The following MRPL40 variants were observed in gnomAD, a reference collection of about 807,000 sequenced individuals.
The protein encoded by MRPL40 is mitochondrial ribosomal protein L40.
A neutral mutation model predicts 24.5 loss-of-function variants in MRPL40; 18 were observed. The observed-to-expected ratio is 0.73, with a 90% CI of 0.51 to 1.09. MRPL40 has a LOEUF of 1.09. MRPL40 is among the 50% of genes least tolerant of loss of function. MRPL40 has a pLI of 0.00. For missense variants in MRPL40, 256 were observed against 243.8 expected, an observed-to-expected ratio of 1.05 and a Z score of -0.33; for synonymous variants, 108 against 94.6, an observed-to-expected ratio of 1.14 and a Z score of -0.82.
chr22:19,432,755 A>T lies in MRPL40; in HGVS notation c.53+148A>T. 1.4e-6 allele frequency: 2 copies of T among 1,396,464 alleles called. 1 individual carries two copies. The highest frequency in any genetic ancestry group is 3.1e-5 in the South Asian group (2 of 63,776). The allele number at this position is 1,396,464 out of a possible 1,614,324, so 86.5% of individuals were successfully genotyped here. On this transcript the variant is annotated intron_variant, in intron 1 of 3. Coordinates refer to ENST00000333130, the MANE Select transcript of MRPL40 (RefSeq NM_003776.4). ...AGCCATCTGGTCGTGACTCTTATGC[A>T]TGAAAATCTGAGCACCCTGGCGAGC... is the stretch of plus-strand genomic sequence containing the variant.
intron 3 of MRPL40, among the ~76,000 whole-genome samples, 195 bp from the exon 4 acceptor site, chr22:19,435,443 T>C (rs8137606): frequency 0.15 from 22,979 of 152,156 alleles, 3,781 homozygotes; most frequent in African/African-American, 0.41. Context: ...ATCTGTTCTT[T>C]TGACAGAGAG....
At chr22:19,434,191 C>T (rs2089570843) in intron 2 of MRPL40, among the ~76,000 whole-genome samples, 4 of 151,434 alleles carry the variant, frequency 2.6e-5, no homozygotes, top group Non-Finnish European at 5.9e-5. Context: ...GATTTTATAC[C>T]CTGATGCCTC....
At position 19,433,335 on chromosome 22, in the gene MRPL40, C is replaced by T. The variant is rs1295541377; in HGVS notation, c.124C>T (p.Leu42Phe). The T allele has an allele frequency of 6.2e-7, 1 of 1,606,076 alleles. No individual in the cohort carries two copies. The highest frequency in any genetic ancestry group is 1.7e-5 in the Admixed American group (1 of 59,996). Residue 42 changes from leucine to phenylalanine, a missense_variant, in exon 2 of 4, where the codon CTC (leucine) becomes TTC (phenylalanine). Leu to Phe is a conservative substitution (Grantham distance 22). Coordinates refer to ENST00000333130, the MANE Select transcript of MRPL40 (RefSeq NM_003776.4). ...AGCGTCATTGTTGTCTTTCTGGGAA[C>T]TCATTCCCATGAGGTAAAACTCAAT... is the stretch of plus-strand genomic sequence containing the variant. Reference protein sequence around the residue: ...QRASLLSFWELIPMRSEPLRK... With the variant: ...QRASLLSFWEFIPMRSEPLRK...
intron 1 of MRPL40, chr22:19,432,902 A>G (rs1196371961): frequency 7.9e-7 from 1 of 1,259,736 alleles, no homozygotes; most frequent in Non-Finnish European, 1.0e-6. Flanking sequence ...GCAATTTTTT[A>G]TTTTCCTGTG....
In MRPL40 at chr22:19,432,752, T is replaced by G. The variant is rs575525535; in HGVS notation, c.53+145T>G. 32 of 1,399,294 alleles carry G rather than the reference T, an allele frequency of 2.3e-5. No homozygotes were observed. In the Middle Eastern group the frequency reaches 9.3e-4, roughly 40 times the overall value. The allele number at this position is 1,399,294 out of a possible 1,614,324, so 86.7% of individuals were successfully genotyped here. On this transcript the variant is annotated intron_variant, in intron 1 of 3. Coordinates refer to ENST00000333130, the MANE Select transcript of MRPL40 (RefSeq NM_003776.4). Reference sequence around the variant, plus strand: ...ATGAGCCATCTGGTCGTGACTCTTATGCATGAAAATCTGAGCACCCTGGCG... The same window carrying G: ...ATGAGCCATCTGGTCGTGACTCTTAGGCATGAAAATCTGAGCACCCTGGCG...
chr22:19,435,121 G>A (rs1206838223), intron 3 of MRPL40, among the ~76,000 whole-genome samples: 1 of 152,194 alleles, frequency 6.6e-6, no homozygotes. Context: ...TAATCCAGAT[G>A]CTTAAGCACT....
intron 1 of MRPL40, 148 bp downstream of exon 1, chr22:19,432,755 A>G: frequency 1.4e-6 from 2 of 1,396,464 alleles, no homozygotes; most frequent in East Asian, 2.9e-5. Context: ...ACTCTTATGC[A>G]TGAAAATCTG....
chr22:19,432,752 T>A (rs575525535), intron 1 of MRPL40, 145 bp downstream of exon 1: 3 of 1,399,294 alleles, frequency 2.1e-6, no homozygotes, highest in South Asian at 3.1e-5. Context: ...GTGACTCTTA[T>A]GCATGAAAAT....
chr22:19,435,365 TAA>T (rs972197483), intron 3 of MRPL40, among the ~76,000 whole-genome samples: 1 of 152,210 alleles, frequency 6.6e-6, no homozygotes, highest in African/African-American at 2.4e-5. Context: ...GGGCAGGTGT[TAA>T]AAGTCTTCTC....
chr22:19,435,512 C>T, intron 3 of MRPL40, 126 bp from the exon 4 acceptor site: 1 of 877,856 alleles, frequency 1.1e-6, no homozygotes, highest in Non-Finnish European at 1.8e-6. Context: ...CATTCCATTT[C>T]TTAATTTGTC....
chr22:19,432,606 G>T lies in MRPL40; in HGVS notation c.52G>T (p.Gly18Trp). ...CTCGCTAGCCCTGCGCCCGACTAGCGGGTGAGTGCGGACGCTGGCCGGATA... is the reference window on the plus strand; with the variant it reads ...CTCGCTAGCCCTGCGCCCGACTAGCTGGTGAGTGCGGACGCTGGCCGGATA... ...SISLALRPTSGLLGTWQTQLR... is the reference protein window; with the variant it reads ...SISLALRPTSWLLGTWQTQLR... Residue 18 changes from glycine (G) to tryptophan (W), a missense_variant and splice_region_variant, in exon 1 of 4, where the codon GGG becomes TGG. By Grantham distance (184) the Gly-to-Trp change is radical. Coordinates refer to ENST00000333130, the MANE Select transcript of MRPL40 (RefSeq NM_003776.4). 1 of 1,552,762 alleles carries T rather than the reference G, an allele frequency of 6.4e-7. No individual in the cohort carries two copies. Among genetic ancestry groups the T allele is most frequent in the African/African-American group, 1.4e-5 (1 of 72,472 alleles).
In MRPL40 at chr22:19,435,997, G is replaced by A. The variant is rs191851927; in HGVS notation, c.*35G>A. 9.0e-6 allele frequency: 14 copies of A among 1,549,538 alleles called. No homozygotes were observed. In the Admixed American group the frequency reaches 2.2e-4, roughly 25 times the overall value. On this transcript the variant is annotated 3_prime_UTR_variant, in exon 4 of 4. Coordinates refer to ENST00000333130, the MANE Select transcript of MRPL40 (RefSeq NM_003776.4). ...CTGCTATCCTTAACATGCTGCCCCT[G>A]AGAGTAGGAATGACCAGGGTTCAAG...
At position 19,436,016 on chromosome 22, in the gene MRPL40, G is replaced by A; in HGVS notation, c.*54G>A. On this transcript the variant is annotated 3_prime_UTR_variant, in exon 4 of 4. Transcript: ENST00000333130. ...GCCCCTGAGAGTAGGAATGACCAGG[G>A]TTCAAGTCTGCTTTCCACAGAATCA... is the stretch of plus-strand genomic sequence containing the variant. 1 of 1,416,470 alleles carries A rather than the reference G, an allele frequency of 7.1e-7. No homozygotes were observed. The highest frequency in any genetic ancestry group is 1.3e-5 in the South Asian group (1 of 77,770). The allele number at this position is 1,416,470 out of a possible 1,614,324, so 87.7% of individuals were successfully genotyped here. A position where few individuals can be genotyped will look rare whatever the true frequency, so the allele number is the denominator to read the frequency against.
chr22:19,433,879 C>T (rs1461970911), intron 2 of MRPL40, among the ~76,000 whole-genome samples: 3 of 152,114 alleles, frequency 2.0e-5, no homozygotes, highest in Non-Finnish European at 2.9e-5. Context: ...TCTCCTGCCT[C>T]AGCCTCCCAA....
chr22:19,433,102 T>G (rs2089558865), intron 1 of MRPL40, 163 bp from the exon 2 acceptor site: 1 of 516,288 alleles, frequency 1.9e-6, no homozygotes, highest in Non-Finnish European at 3.4e-6. Context: ...AATTTTTGTA[T>G]TTTTAGTAGA....
Position 19,434,626 on chromosome 22 carries a change from A to C in MRPL40, c.138-110A>C, listed in dbSNP as rs533548400. 47 of 851,656 alleles carry C rather than the reference A, an allele frequency of 5.5e-5. 1 individual carries two copies. In the African/African-American group the frequency reaches 7.4e-4, roughly 13 times the overall value. 52.8% of individuals were successfully genotyped at this position (851,656 alleles called of 1,614,324 possible). A position where few individuals can be genotyped will look rare whatever the true frequency, so the allele number is the denominator to read the frequency against. On this transcript the variant is annotated intron_variant, in intron 2 of 3. Coordinates refer to ENST00000333130, the MANE Select transcript of MRPL40 (RefSeq NM_003776.4). ...CGCTGAGCTCATGAGTTAGTCATGC[A>C]CAGCTCCTTCCCCCAGTGGAGAGGT...
intron 1 of MRPL40, 182 bp downstream of exon 1, chr22:19,432,789 T>TG (rs1308979423): frequency 7.2e-7 from 1 of 1,389,220 alleles, no homozygotes. Context: ...GCAGCGGTCC[T>TG]GCTTAAGTCC....
In MRPL40 at chr22:19,434,797, C is replaced by T. The variant is rs938660014; in HGVS notation, c.199C>T (p.Arg67Cys). The change falls in exon 3 of 4, where the codon CGC becomes TGC. Residue 67 changes from arginine (R) to cysteine (C), a missense_variant. Arg to Cys is a radical substitution (Grantham distance 180, BLOSUM62 -3). Coordinates refer to ENST00000333130, the MANE Select transcript of MRPL40 (RefSeq NM_003776.4). ...DPKKDQEAKE[R>C]LKRKIRKLEK... ...TAAAAAAGACCAAGAAGCAAAGGAGCGCTTGAAAAGGAAGATCCGAAAACT... is the reference window on the plus strand; with the variant it reads ...TAAAAAAGACCAAGAAGCAAAGGAGTGCTTGAAAAGGAAGATCCGAAAACT... 4 of 1,611,972 alleles carry T rather than the reference C, an allele frequency of 2.5e-6. No individual in the cohort carries two copies. Among genetic ancestry groups the T allele is most frequent in the Non-Finnish European group, 3.4e-6 (4 of 1,179,486 alleles).
chr22:19,432,926 T>TCAG (rs2089556919), intron 1 of MRPL40: 2 of 1,145,660 alleles, frequency 1.7e-6, no homozygotes, highest in Non-Finnish European at 2.2e-6. Flanking sequence ...TGGGAGAGAA[T>TCAG]CAGATATTTA....
Sources: gnomAD v4.1 joint callset for allele counts (sites outside exome capture counted in the v4.1 genomes callset) on GRCh38, gnomAD v4.1.1 for gene constraint, MANE v1.5 for transcripts, NCBI Gene and HGNC (gene_info 2026-07-23, HGNC 2026-07-21) for gene names.